The following DCAF5 variants were observed in gnomAD, a reference collection of about 807,000 sequenced individuals.
DCAF5 encodes DDB1- and CUL4-associated factor 5.
Under a neutral mutation model 80.7 loss-of-function variants are expected in DCAF5, and 9 were observed. The ratio of observed to expected loss-of-function variants is 0.11; its 90% CI spans 0.07 to 0.19. DCAF5 has a LOEUF of 0.19. Among genes scored for constraint, DCAF5 ranks in the 10% least tolerant of loss-of-function variants. The pLI is 1.00. For missense variants in DCAF5, 842 were observed against 1,205.7 expected (o/e 0.70, Z 4.47); for synonymous variants, 433 against 461.9 (o/e 0.94, Z 0.80).
At position 69,139,813 on chromosome 14, in the gene DCAF5, T is replaced by TAAGA. The variant is rs2041307271; in HGVS notation, c.214+12948_214+12951dup. ...CTGTTAGCACCACTGACAGAGTGAA[T>TAAGA]AAGACCCTGTCTCAAAAAAAAAAAA... On this transcript the variant is annotated intron_variant, in intron 1 of 8. Transcript: ENST00000341516. Among the ~76,000 whole-genome samples the TAAGA allele has an allele frequency of 6.2e-5, 7 of 113,452 alleles. No homozygotes were observed. The South Asian group carries it at 1.8e-3, about 30-fold the overall frequency. 74.4% of individuals were successfully genotyped at this position (113,452 alleles called of 152,430 possible).
rs1247662630 is a variant in DCAF5, at chr14:69,118,657, G to C, written c.396-379C>G. On this transcript the variant is annotated intron_variant, in intron 3 of 8. Coordinates refer to ENST00000341516, the MANE Select transcript of DCAF5 (RefSeq NM_003861.3). The surrounding 1 kb of genome is among the most constrained non-coding windows in gnomAD (Gnocchi z 4.0). ...GCCAAGTCTGATGCCTACAGGATGG[G>C]AGAGGGGTCTCCTAGCAATCTGGCA... Among the ~76,000 whole-genome samples, 2 of 152,204 alleles carry C rather than the reference G, an allele frequency of 1.3e-5. No homozygotes were observed. Among genetic ancestry groups the C allele is most frequent in the Non-Finnish European group, 2.9e-5 (2 of 68,036 alleles).
At position 69,152,678 on chromosome 14, in the gene DCAF5, G is replaced by T; in HGVS notation, c.214+87C>A. 1 of 995,534 alleles carries T rather than the reference G, an allele frequency of 1.0e-6. No homozygotes were observed. Among genetic ancestry groups the T allele is most frequent in the Non-Finnish European group, 1.5e-6 (1 of 669,904 alleles). 61.7% of individuals were successfully genotyped at this position (995,534 alleles called of 1,614,324 possible). A position where few individuals can be genotyped will look rare whatever the true frequency, so the allele number is the denominator to read the frequency against. On this transcript the variant is annotated intron_variant, in intron 1 of 8. Coordinates refer to ENST00000341516, the MANE Select transcript of DCAF5 (RefSeq NM_003861.3). This position sits in a 1 kb window ranked among gnomAD's most constrained non-coding sequence, Gnocchi z 4.1. ...GAGAAAGGGAGGGGGTGGGGACAGA[G>T]GGCAGGAGGAGGGTGACGGGGGAGA...
Position 69,053,657 on chromosome 14 carries a change from A to C in DCAF5, c.*200T>G. 2 of 567,202 alleles carry C rather than the reference A, an allele frequency of 3.5e-6. No individual in the cohort carries two copies. Among genetic ancestry groups the C allele is most frequent in the Middle Eastern group, 4.7e-4 (1 of 2,146 alleles). The allele number at this position is 567,202 out of a possible 1,614,324, so 35.1% of individuals were successfully genotyped here. A position where few individuals can be genotyped will look rare whatever the true frequency, so the allele number is the denominator to read the frequency against. On this transcript the variant is annotated 3_prime_UTR_variant, in exon 9 of 9. Coordinates refer to ENST00000341516, the MANE Select transcript of DCAF5 (RefSeq NM_003861.3). Reference sequence around the variant, plus strand: ...TTATTTTTTTTTCCCCTTTCTTAACACAGCACAAGCCAATGGCCAGCTAGA... The same window carrying C: ...TTATTTTTTTTTCCCCTTTCTTAACCCAGCACAAGCCAATGGCCAGCTAGA...
chr14:69,152,791 T>C lies in DCAF5; in HGVS notation c.188A>G (p.Asn63Ser), dbSNP rs1196473718. ...FGCVNAIEFS[N>S]NGGQWLVSGG... ...TGAGACCAGCCACTGGCCTCCATTG[T>C]TGGAGAATTCAATGGCATTGACACA... The change falls in exon 1 of 9, where the codon AAC (asparagine) becomes AGC (serine). Residue 63 changes from asparagine to serine, a missense_variant. Physicochemically the swap from Asn to Ser is conservative, Grantham distance 46 (BLOSUM62 1). This residue lies in a region of DCAF5 where 142 missense variants were observed against 311.9 expected (regional missense o/e 0.46). Transcript: ENST00000341516. This position sits in a 1 kb window ranked among gnomAD's most constrained non-coding sequence, Gnocchi z 4.1. 1.2e-6 allele frequency: 2 copies of C among 1,613,690 alleles called. No homozygotes were observed. The highest frequency in any genetic ancestry group is 8.5e-7 in the Non-Finnish European group (1 of 1,179,902).
At chr14:69,081,038 A>G (rs950329146) in intron 6 of DCAF5, among the ~76,000 whole-genome samples, 1 of 151,390 alleles carries the variant, frequency 6.6e-6, no homozygotes, top group Non-Finnish European at 1.5e-5. Flanking sequence ...AACAAATGTA[A>G]GAGGAAAAAA....
intron 5 of DCAF5, among the ~76,000 whole-genome samples, chr14:69,114,126 T>G (rs1271806911): frequency 6.6e-6 from 1 of 152,196 alleles, no homozygotes; most frequent in Non-Finnish European, 1.5e-5. Flanking sequence ...TTATACACAG[T>G]TGGCAGATTT....
intron 1 of DCAF5, among the ~76,000 whole-genome samples, chr14:69,126,022 G>A (rs1275406): frequency 0.79 from 119,625 of 151,964 alleles, 47,231 homozygotes; most frequent in East Asian, 0.98. Context: ...CCTATATACC[G>A]GCAATGAATA....
chr14:69,118,392 C>A lies in DCAF5; in HGVS notation c.396-114G>T. The A allele has an allele frequency of 2.8e-6, 3 of 1,075,150 alleles. No homozygotes were observed. The highest frequency in any genetic ancestry group is 3.8e-6 in the Non-Finnish European group (3 of 779,314). The allele number at this position is 1,075,150 out of a possible 1,614,324, so 66.6% of individuals were successfully genotyped here. A position where few individuals can be genotyped will look rare whatever the true frequency, so the allele number is the denominator to read the frequency against. ...TTTCCATTTCTAGAAGAAAGTCAACCTAGCTAAACCCAAAAAATATTATAT... is the reference window on the plus strand; with the variant it reads ...TTTCCATTTCTAGAAGAAAGTCAACATAGCTAAACCCAAAAAATATTATAT... On this transcript the variant is annotated intron_variant, in intron 3 of 8. Coordinates refer to ENST00000341516, the MANE Select transcript of DCAF5 (RefSeq NM_003861.3). This position sits in a 1 kb window ranked among gnomAD's most constrained non-coding sequence, Gnocchi z 4.0.
At chr14:69,112,634 A>C (rs1341549400) in intron 5 of DCAF5, among the ~76,000 whole-genome samples, 2 of 137,784 alleles carry the variant, frequency 1.5e-5, no homozygotes, top group Non-Finnish European at 3.1e-5. Flanking sequence ...CACACAAATA[A>C]CACACAAGTT....
chr14:69,075,974 G>A (rs1408255512), intron 6 of DCAF5, among the ~76,000 whole-genome samples: 1 of 151,964 alleles, frequency 6.6e-6, no homozygotes, highest in Non-Finnish European at 1.5e-5. Context: ...TTCAAAAAAG[G>A]GGCAAATTAG....
chr14:69,090,042 G>T, intron 6 of DCAF5: 1 of 985,312 alleles, frequency 1.0e-6, no homozygotes, highest in African/African-American at 1.7e-5. Flanking sequence ...CTTTCCCTCA[G>T]CCTCTGGTTT....
At chr14:69,074,430 G>A (rs546396303) in intron 7 of DCAF5, among the ~76,000 whole-genome samples, 1 of 152,122 alleles carries the variant, frequency 6.6e-6, no homozygotes. Flanking sequence ...TAAGTAAAAA[G>A]AATGAAGAGG....
At chr14:69,085,531 A>C (rs2039283376) in intron 6 of DCAF5, 1 of 273,970 alleles carries the variant, frequency 3.7e-6, no homozygotes, top group Admixed American at 5.1e-5. Flanking sequence ...AGCACTGAAC[A>C]CTGTTACTTC....
At position 69,055,632 on chromosome 14, in the gene DCAF5, A is replaced by G. The variant is rs761904473; in HGVS notation, c.1075-21T>C. On this transcript the variant is annotated intron_variant, in intron 8 of 8. Coordinates refer to ENST00000341516, the MANE Select transcript of DCAF5 (RefSeq NM_003861.3). This position sits in a 1 kb window ranked among gnomAD's most constrained non-coding sequence, Gnocchi z 5.6. ...CAGATCTGAACAGAAAATGAAAAAC[A>G]AAAGCAACAAGGAGTAACTGGAAAG... 1 of 1,575,676 alleles carries G rather than the reference A, an allele frequency of 6.3e-7. No homozygotes were observed. Among genetic ancestry groups the G allele is most frequent in the Admixed American group, 1.8e-5 (1 of 56,546 alleles).
chr14:69,077,975 G>GA (rs2038964304), intron 6 of DCAF5, among the ~76,000 whole-genome samples: 1 of 152,138 alleles, frequency 6.6e-6, no homozygotes, highest in Admixed American at 6.5e-5. Context: ...CTGGACTGGT[G>GA]GCTCTGTAAG....
chr14:69,061,803 A>G (rs2038226190), intron 8 of DCAF5, among the ~76,000 whole-genome samples: 1 of 152,216 alleles, frequency 6.6e-6, no homozygotes, highest in African/African-American at 2.4e-5. Flanking sequence ...ATGTTGCAGC[A>G]TACAAGGTAG....
At chr14:69,056,149 T>A (rs916043963) in intron 8 of DCAF5, among the ~76,000 whole-genome samples, 1 of 152,194 alleles carries the variant, frequency 6.6e-6, no homozygotes, top group Admixed American at 6.5e-5. Context: ...AACATTCCTA[T>A]TTTTAACTAA....
chr14:69,086,307 T>C (rs1270186052), intron 6 of DCAF5, among the ~76,000 whole-genome samples: 1 of 152,042 alleles, frequency 6.6e-6, no homozygotes, highest in East Asian at 1.9e-4. Flanking sequence ...GCAGTGAGCC[T>C]AGATGGAGCC....
rs1242769002 is a variant in DCAF5 at position 69,118,473 on chromosome 14, T to G, written c.396-195A>C. ...TTAAAAAAAAGGTACTATTAAGGAG[T>G]CTTTTTAGAGATTTTATAATTTTTG... On this transcript the variant is annotated intron_variant, in intron 3 of 8. Coordinates refer to ENST00000341516, the MANE Select transcript of DCAF5 (RefSeq NM_003861.3). This position sits in a 1 kb window ranked among gnomAD's most constrained non-coding sequence, Gnocchi z 4.0. Among the ~76,000 whole-genome samples, 1 of 151,914 alleles carries G rather than the reference T, an allele frequency of 6.6e-6. No individual in the cohort carries two copies. Among genetic ancestry groups the G allele is most frequent in the Non-Finnish European group, 1.5e-5 (1 of 68,002 alleles).
Sources: gnomAD v4.1 joint callset for allele counts (sites outside exome capture counted in the v4.1 genomes callset) on GRCh38, gnomAD v4.1.1 for gene constraint, gnomAD v4.1.1 regional missense constraint, Gnocchi (gnomAD v3.1) non-coding constraint, MANE v1.5 for transcripts, NCBI Gene and HGNC (gene_info 2026-07-23, HGNC 2026-07-21) for gene names.